The following NLGN1 variants were observed in gnomAD, a reference collection of about 807,000 sequenced individuals.
NLGN1 encodes the protein neuroligin 1.
NLGN1 carries 12 observed loss-of-function variants against 65.5 expected under a neutral mutation model. The observed-to-expected ratio is 0.18, with a 90% confidence interval of 0.12 to 0.30. NLGN1 has a LOEUF of 0.30. NLGN1 is among the 10% of genes least tolerant of loss of function. The pLI is 1.00. For missense variants in NLGN1, 750 were observed against 1,007.1 expected (o/e 0.74, Z 3.46); for synonymous variants, 350 against 359.5 (o/e 0.97, Z 0.30).
At chr3:174,265,778 T>TATATATATATATACAC (rs1414006373) in intron 4 of NLGN1, among the ~76,000 whole-genome samples, 6 of 113,370 alleles carry the variant, frequency 5.3e-5, no homozygotes, top group African/African-American at 2.0e-4. Flanking sequence ...TATATATATA[T>TATATATATATATACAC]ATATGTATAT....
At chr3:173,965,551 T>C (rs1714648220) in intron 4 of NLGN1, among the ~76,000 whole-genome samples, 1 of 149,244 alleles carries the variant, frequency 6.7e-6, no homozygotes, top group Non-Finnish European at 1.5e-5. Context: ...ACTACTGACC[T>C]CCCTGATCCA....
intron 3 of NLGN1, among the ~76,000 whole-genome samples, chr3:173,801,537 T>G (rs1265726235): frequency 1.3e-5 from 2 of 152,090 alleles, no homozygotes; most frequent in Non-Finnish European, 2.9e-5. Flanking sequence ...TTTGCCTTAT[T>G]TGCATTGACA....
chr3:173,526,674 T>C (rs1386218233), intron 2 of NLGN1, among the ~76,000 whole-genome samples: 1 of 152,222 alleles, frequency 6.6e-6, no homozygotes, highest in Non-Finnish European at 1.5e-5. Flanking sequence ...TCACCCGCTA[T>C]GTTAGAAAAT....
chr3:173,760,218 T>C (rs1351983895), intron 3 of NLGN1, among the ~76,000 whole-genome samples: 1 of 152,014 alleles, frequency 6.6e-6, no homozygotes. Context: ...AAATTATAGT[T>C]GCTTTTATCT....
At chr3:174,276,105 T>TTTGA (rs1339606308) in intron 5 of NLGN1, among the ~76,000 whole-genome samples, 1 of 151,868 alleles carries the variant, frequency 6.6e-6, no homozygotes, top group Non-Finnish European at 1.5e-5. Flanking sequence ...GAAAAATACA[T>TTTGA]TTGATTCAGT....
intron 4 of NLGN1, among the ~76,000 whole-genome samples, chr3:174,255,223 C>G (rs1414289981): frequency 1.3e-5 from 2 of 151,990 alleles, no homozygotes; most frequent in Non-Finnish European, 2.9e-5. Context: ...ACCACAAGGT[C>G]AGGAGATCGA....
chr3:173,465,943 C>T (rs545002451), intron 2 of NLGN1, among the ~76,000 whole-genome samples: 30 of 152,048 alleles, frequency 2.0e-4, no homozygotes, highest in Non-Finnish European at 7.4e-5. Context: ...GTTGTTGATA[C>T]GGGAGCTAGA....
At chr3:174,080,962 T>C in intron 4 of NLGN1, among the ~76,000 whole-genome samples, 1 of 145,140 alleles carries the variant, frequency 6.9e-6, no homozygotes, top group Admixed American at 6.9e-5. Flanking sequence ...TGTGTGGTGA[T>C]AGGGGAAGCG....
chr3:173,960,765 AT>A (rs1223233158), intron 4 of NLGN1, among the ~76,000 whole-genome samples: 15 of 148,846 alleles, frequency 1.0e-4, no homozygotes, highest in South Asian at 4.3e-4. Context: ...AAGACAACTT[AT>A]TTTTTTTTTC....
At chr3:173,512,312 G>C (rs1370805929) in intron 2 of NLGN1, among the ~76,000 whole-genome samples, 2 of 152,194 alleles carry the variant, frequency 1.3e-5, no homozygotes, top group Non-Finnish European at 2.9e-5. Flanking sequence ...GAGGTCACAT[G>C]GACGAATTGA....
intron 2 of NLGN1, among the ~76,000 whole-genome samples, chr3:173,546,346 G>A (rs564040889): frequency 2.2e-4 from 34 of 152,028 alleles, no homozygotes; most frequent in African/African-American, 5.1e-4. Context: ...TATTTTTCCC[G>A]TACCGTGAAC....
At chr3:173,596,309 C>A (rs987622487) in intron 2 of NLGN1, among the ~76,000 whole-genome samples, 3 of 152,106 alleles carry the variant, frequency 2.0e-5, no homozygotes, top group Admixed American at 6.6e-5. Flanking sequence ...CTCTGGAAAA[C>A]TTTTGGGGGC....
rs554250648 is a variant in NLGN1 at position 174,127,481 on chromosome 3, G to A, written c.647-147834G>A. ...AATAGCCCCTGCATTTTTTGCATCA[G>A]GTGTAGGGCTCTGAAATAGTAATAC... On this transcript the variant is annotated intron_variant, in intron 4 of 6. Coordinates refer to ENST00000457714, the Ensembl canonical transcript of NLGN1. 3.7e-4 allele frequency among the ~76,000 whole-genome samples: 57 copies of A among 152,024 alleles called. 1 individual carries two copies. The highest frequency in any genetic ancestry group is 6.6e-4 in the Non-Finnish European group (45 of 67,966).
chr3:174,157,439 T>C (rs1290363247), intron 4 of NLGN1, among the ~76,000 whole-genome samples: 1 of 151,786 alleles, frequency 6.6e-6, no homozygotes, highest in Non-Finnish European at 1.5e-5. Flanking sequence ...TGATGAAAGG[T>C]TTTTAAAAAA....
chr3:174,127,660 A>T (rs1719237065), intron 4 of NLGN1, among the ~76,000 whole-genome samples: 2 of 152,168 alleles, frequency 1.3e-5, no homozygotes, highest in African/African-American at 2.4e-5. Context: ...CTAACCCTTC[A>T]AAAAAGGTAC....
chr3:173,974,228 C>CAA (rs770985861), intron 4 of NLGN1, among the ~76,000 whole-genome samples: 1 of 116,730 alleles, frequency 8.6e-6, no homozygotes, highest in African/African-American at 3.2e-5. Context: ...TACTTCATTC[C>CAA]AAAAAAAAAA....
intron 2 of NLGN1, among the ~76,000 whole-genome samples, chr3:173,452,187 G>A (rs935236497): frequency 2.0e-5 from 3 of 151,050 alleles, no homozygotes; most frequent in Non-Finnish European, 3.0e-5. Flanking sequence ...GTTCCTATTC[G>A]GCCATCTTGG....
chr3:173,610,599 A>G (rs1450959086), intron 3 of NLGN1, among the ~76,000 whole-genome samples: 2 of 152,028 alleles, frequency 1.3e-5, no homozygotes, highest in Non-Finnish European at 2.9e-5. Flanking sequence ...GAGGTCTGGA[A>G]GAAGAGAAGG....
At chr3:173,439,533 A>C (rs1274539600) in intron 2 of NLGN1, among the ~76,000 whole-genome samples, 7 of 75,422 alleles carry the variant, frequency 9.3e-5, no homozygotes, top group Non-Finnish European at 1.8e-4. Context: ...ATTCACCTGC[A>C]AAAAAAAAAA....
Sources: gnomAD v4.1 joint callset for allele counts (sites outside exome capture counted in the v4.1 genomes callset) on GRCh38, gnomAD v4.1.1 for gene constraint, MANE v1.5 for transcripts, NCBI Gene and HGNC (gene_info 2026-07-23, HGNC 2026-07-21) for gene names.